The following KATNA1 variants were observed in gnomAD, a reference collection of about 807,000 sequenced individuals.
KATNA1 encodes katanin p60 ATPase-containing subunit A1.
KATNA1 carries 42 observed loss-of-function variants against 62.6 expected under a neutral mutation model. That is an observed-to-expected ratio of 0.67 (90% CI 0.52 to 0.87). KATNA1 has a LOEUF of 0.87. KATNA1 is among the 40% of genes least tolerant of loss of function. The pLI is 0.00. For missense variants in KATNA1, 498 were observed against 612.5 expected (o/e 0.81, Z 1.97); for synonymous variants, 186 against 201.9 (o/e 0.92, Z 0.67).
At chr6:149,639,765 T>A (rs1394819729) in intron 1 of KATNA1, among the ~76,000 whole-genome samples, 1 of 152,160 alleles carries the variant, frequency 6.6e-6, no homozygotes, top group Non-Finnish European at 1.5e-5. Flanking sequence ...TAAAGTCCCC[T>A]TGCACTTTAC....
intron 5 of KATNA1, 28 bp from the exon 6 acceptor site, chr6:149,603,401 C>T (rs1778623485): frequency 9.2e-7 from 1 of 1,081,888 alleles, no homozygotes; most frequent in Non-Finnish European, 1.4e-6. Context: ...TTATTAACAA[C>T]CCTTTAGATG....
At chr6:149,607,740 G>A (rs749191634) in intron 4 of KATNA1, among the ~76,000 whole-genome samples, 2 of 152,144 alleles carry the variant, frequency 1.3e-5, no homozygotes, top group African/African-American at 2.4e-5. Flanking sequence ...TCAGATAGAC[G>A]GATTAATCAG....
At position 149,633,100 on chromosome 6, in the gene KATNA1, ATTTTT is replaced by A. The variant is rs368739065; in HGVS notation, c.163-189_163-185del. On this transcript the variant is annotated intron_variant, in intron 2 of 10. Coordinates refer to ENST00000367411, the MANE Select transcript of KATNA1 (RefSeq NM_007044.4). ...TATTAAATTTATGTTTTCAATTGCA[ATTTTT>A]TTTTTTTTTTTTTTTGGAGATGGAG... Among the ~76,000 whole-genome samples, 32 of 120,740 alleles carry A rather than the reference ATTTTT, an allele frequency of 2.7e-4. 1 individual carries two copies. Among genetic ancestry groups the A allele is most frequent in the African/African-American group, 9.6e-4 (30 of 31,326 alleles). The allele number at this position is 120,740 out of a possible 152,430, so 79.2% of individuals were successfully genotyped here. A position where few individuals can be genotyped will look rare whatever the true frequency, so the allele number is the denominator to read the frequency against.
At chr6:149,595,966 GT>G (rs1309691193) in intron 10 of KATNA1, among the ~76,000 whole-genome samples, 1 of 152,148 alleles carries the variant, frequency 6.6e-6, no homozygotes, top group Non-Finnish European at 1.5e-5. Flanking sequence ...TTTAGGATAA[GT>G]TCACTGAGAA....
chr6:149,626,292 C>CTTTTTTTTTTTTTTTTTTTT lies in KATNA1; in HGVS notation c.321-3029_321-3010dup, dbSNP rs544379629. Among the ~76,000 whole-genome samples, 5 of 88,748 alleles carry CTTTTTTTTTTTTTTTTTTTT rather than the reference C, an allele frequency of 5.6e-5. 2 individuals carry two copies. The highest frequency in any genetic ancestry group is 1.1e-4 in the African/African-American group (2 of 18,700). The allele number at this position is 88,748 out of a possible 152,430, so 58.2% of individuals were successfully genotyped here. ...GAAACAACTATTTATATAACATTTA[C>CTTTTTTTTTTTTTTTTTTTT]TTTTTTTTTTTTTTTTTTTTGAGAC... is the stretch of plus-strand genomic sequence containing the variant. On this transcript the variant is annotated intron_variant, in intron 3 of 10. Transcript: ENST00000367411.
At chr6:149,629,116 G>A (rs1232955118) in intron 3 of KATNA1, among the ~76,000 whole-genome samples, 2 of 152,034 alleles carry the variant, frequency 1.3e-5, no homozygotes, top group African/African-American at 2.4e-5. Flanking sequence ...CTCTGCTTGT[G>A]AGACTGAGGT....
At chr6:149,640,892 C>T (rs916230527) in intron 1 of KATNA1, among the ~76,000 whole-genome samples, 2 of 147,912 alleles carry the variant, frequency 1.4e-5, no homozygotes, top group African/African-American at 2.5e-5. Context: ...TTTTTTGAGA[C>T]GGAGTTTTGC....
chr6:149,601,500 C>T, intron 7 of KATNA1, 94 bp downstream of exon 7: 1 of 1,137,168 alleles, frequency 8.8e-7, no homozygotes, highest in Non-Finnish European at 1.2e-6. Context: ...AAATGGCATC[C>T]TGCCTAACTA....
At chr6:149,610,170 C>G (rs889114865) in intron 4 of KATNA1, among the ~76,000 whole-genome samples, 2 of 149,150 alleles carry the variant, frequency 1.3e-5, no homozygotes, top group African/African-American at 5.0e-5. Flanking sequence ...TGTGGTAGCA[C>G]ACATCTGTAG....
In KATNA1 at chr6:149,595,077, C is replaced by A. The variant is rs763985367; in HGVS notation, c.1435G>T (p.Glu479Ter). 1 of 1,613,932 alleles carries A rather than the reference C, an allele frequency of 6.2e-7. No individual in the cohort carries two copies. The highest frequency in any genetic ancestry group is 1.3e-5 in the African/African-American group (1 of 74,928). The change falls in exon 11 of 11, where the codon GAA (glutamate) becomes TAA (stop). Residue 479 changes from glutamate (E) to a stop codon, truncating the protein, a stop_gained. Coordinates refer to ENST00000367411, the MANE Select transcript of KATNA1 (RefSeq NM_007044.4). LOFTEE classifies it high-confidence loss of function. ...TCAAATATCCATTTCTCGTATCTTT[C>A]AATGTCTGCAGCAGACACTGACTTA... ...VSKSVSAADI[E>*]RYEKWIFEFG...
At chr6:149,597,356 A>C (rs1167096859) in intron 9 of KATNA1, 151 bp downstream of exon 9, 2 of 1,148,100 alleles carry the variant, frequency 1.7e-6, no homozygotes, top group East Asian at 4.9e-5. Flanking sequence ...CTTACTATTT[A>C]GTATTAAGGC....
intron 4 of KATNA1, among the ~76,000 whole-genome samples, chr6:149,616,820 ATCTTAAAAGCAGGG>A (rs1779185299): frequency 6.6e-6 from 1 of 152,182 alleles, no homozygotes; most frequent in Non-Finnish European, 1.5e-5. Context: ...ATATCCAAAA[ATCTTAAAAGCAGGG>A]TCTTGGAGAA....
At chr6:149,637,154 G>A (rs1010262425) in intron 2 of KATNA1, among the ~76,000 whole-genome samples, 2 of 151,712 alleles carry the variant, frequency 1.3e-5, no homozygotes, top group Admixed American at 1.3e-4. Context: ...GCTCACACCT[G>A]TAATCCCAGC....
At chr6:149,642,047 C>T (rs949195524) in intron 1 of KATNA1, among the ~76,000 whole-genome samples, 16 of 152,238 alleles carry the variant, frequency 1.1e-4, no homozygotes, top group South Asian at 6.2e-4. Context: ...GGACTACAGG[C>T]GCTCACCACC....
At chr6:149,639,771 T>G (rs1174608986) in intron 1 of KATNA1, among the ~76,000 whole-genome samples, 1 of 152,174 alleles carries the variant, frequency 6.6e-6, no homozygotes, top group Non-Finnish European at 1.5e-5. Flanking sequence ...CCCCTTGCAC[T>G]TTACTGTGAC....
intron 4 of KATNA1, among the ~76,000 whole-genome samples, chr6:149,610,597 T>TA (rs879594486): frequency 1.8e-4 from 28 of 152,244 alleles, no homozygotes; most frequent in South Asian, 1.0e-3. Flanking sequence ...AGCATGGTAC[T>TA]AAATAATCCA....
chr6:149,599,194 T>G (rs1330193308), intron 7 of KATNA1, among the ~76,000 whole-genome samples: 1 of 152,106 alleles, frequency 6.6e-6, no homozygotes, highest in Non-Finnish European at 1.5e-5. Context: ...AGTCAATACT[T>G]GGGTCTTTAT....
chr6:149,640,634 G>GC (rs1206781675), intron 1 of KATNA1, among the ~76,000 whole-genome samples: 1 of 151,770 alleles, frequency 6.6e-6, no homozygotes, highest in East Asian at 1.9e-4. Flanking sequence ...TGCAACCTCT[G>GC]CCTCCCAGGT....
chr6:149,623,630 C>G (rs934379327), intron 3 of KATNA1, among the ~76,000 whole-genome samples: 1 of 151,824 alleles, frequency 6.6e-6, no homozygotes, highest in Admixed American at 6.6e-5. Context: ...CCCAGCCACT[C>G]GGGAGGCTGA....
Sources: allele counts gnomAD v4.1 joint callset (sites outside exome capture counted in the v4.1 genomes callset), GRCh38; gene constraint gnomAD v4.1.1; transcripts MANE v1.5; gene names NCBI Gene and HGNC (gene_info 2026-07-23, HGNC 2026-07-21).